The following NPAS3 variants were observed in gnomAD, a reference collection of about 807,000 sequenced individuals.
NPAS3 encodes neuronal PAS domain protein 3.
In NPAS3, 14 loss-of-function variants were observed where a neutral mutation model predicts 73.1. That is an observed-to-expected ratio of 0.19 (90% CI 0.13 to 0.30). The LOEUF (loss-of-function observed/expected upper bound fraction) is 0.30, where lower values mean the gene tolerates loss of function less well. Among genes scored for constraint, NPAS3 ranks in the 10% least tolerant of loss-of-function variants. The probability of loss-of-function intolerance (pLI) is 1.00; values close to 1 mark genes in which losing one functional copy is unlikely to be tolerated. For synonymous variants in NPAS3, 620 were observed against 541.5 expected (o/e 1.14, Z -2.01); for missense variants, 1,096 against 1,250.0 (o/e 0.88, Z 1.86).
At chr14:33,556,158 C>T (rs1390322631) in intron 4 of NPAS3, among the ~76,000 whole-genome samples, 3 of 152,104 alleles carry the variant, frequency 2.0e-5, no homozygotes, top group Admixed American at 1.3e-4. Flanking sequence ...TATTCTTTTA[C>T]CCTGCTATGG....
upstream of NPAS3, among the ~76,000 whole-genome samples, chr14:32,938,094 T>A (rs2035757552): frequency 6.6e-6 from 1 of 151,998 alleles, no homozygotes; most frequent in Non-Finnish European, 1.5e-5. Context: ...CGCGCGGGGA[T>A]TCACCTGTGA....
At chr14:32,938,527 G>C (rs547970701), upstream of NPAS3, among the ~76,000 whole-genome samples, 30 of 71,266 alleles carry the variant, frequency 4.2e-4, no homozygotes, top group South Asian at 3.1e-3. Context: ...GAGAGAGAAG[G>C]GGGGGGAGGT....
At chr14:33,780,580 T>C (rs2062948549) in intron 9 of NPAS3, 2 of 440,216 alleles carry the variant, frequency 4.5e-6, no homozygotes, top group Non-Finnish European at 9.0e-6. Flanking sequence ...CCTCAGTTAT[T>C]ATTTGGAAAA....
chr14:33,783,517 G>A (rs968450828), intron 9 of NPAS3, among the ~76,000 whole-genome samples: 2 of 148,452 alleles, frequency 1.3e-5, no homozygotes, highest in Admixed American at 6.9e-5. Flanking sequence ...CGAAAAAACC[G>A]TCACAAGGAG....
chr14:33,466,197 G>C (rs1416021218), intron 4 of NPAS3, among the ~76,000 whole-genome samples: 2 of 152,150 alleles, frequency 1.3e-5, no homozygotes, highest in African/African-American at 2.4e-5. Flanking sequence ...GGCCCAACCT[G>C]AGGGTGTGAA....
chr14:33,101,414 A>T (rs1327783024), intron 2 of NPAS3, among the ~76,000 whole-genome samples: 1 of 152,224 alleles, frequency 6.6e-6, no homozygotes, highest in Non-Finnish European at 1.5e-5. Context: ...ACATATGAAC[A>T]ACAATAACTT....
intron 7 of NPAS3, among the ~76,000 whole-genome samples, chr14:33,752,915 T>A (rs1016301071): frequency 6.6e-6 from 1 of 152,148 alleles, no homozygotes; most frequent in African/African-American, 2.4e-5. Context: ...ATATGGGCAC[T>A]TAGCAAGAAA....
intron 8 of NPAS3, among the ~76,000 whole-genome samples, chr14:33,777,027 GA>G (rs1235815811): frequency 1.2e-4 from 19 of 152,162 alleles, no homozygotes; most frequent in Admixed American, 9.8e-4. Context: ...TTTAATTAGG[GA>G]ATTGTTAACT....
chr14:33,390,004 A>ATGGAAC (rs2046932821), intron 4 of NPAS3, among the ~76,000 whole-genome samples: 1 of 151,488 alleles, frequency 6.6e-6, no homozygotes, highest in Non-Finnish European at 1.5e-5. Context: ...CCATGGAAAG[A>ATGGAAC]ATTTTATTCT....
chr14:33,049,447 A>T (rs1375379299), intron 1 of NPAS3, among the ~76,000 whole-genome samples: 1 of 152,208 alleles, frequency 6.6e-6, no homozygotes, highest in African/African-American at 2.4e-5. Context: ...GGGAAGCCTC[A>T]CAATCATGGG....
At chr14:33,153,113 C>A (rs189430141) in intron 2 of NPAS3, among the ~76,000 whole-genome samples, 29 of 152,086 alleles carry the variant, frequency 1.9e-4, no homozygotes, top group Admixed American at 1.2e-3. Flanking sequence ...TTCCTGTCTG[C>A]AGATGCAGTT....
chr14:32,937,301 C>T (rs1452798978), upstream of NPAS3, among the ~76,000 whole-genome samples: 1 of 151,862 alleles, frequency 6.6e-6, no homozygotes, highest in Non-Finnish European at 1.5e-5. Flanking sequence ...ATCATTTTAC[C>T]AAAAAATTAT....
rs71406561 is a variant in NPAS3, at chr14:33,544,788, T to TTATATATATATATATATATATATA, written c.469-15310_469-15309insATATATATATATATATATATATAT. Reference sequence around the variant, plus strand: ...GCATGTATGTGTTTATGTGTGTGTATTATATATATATATATATATATATGT... The same window carrying TTATATATATATATATATATATATA: ...GCATGTATGTGTTTATGTGTGTGTATTATATATATATATATATATATATATATATATATATATATATATATATGT... On this transcript the variant is annotated intron_variant, in intron 4 of 11. Coordinates refer to ENST00000356141, the Ensembl canonical transcript of NPAS3. Among the ~76,000 whole-genome samples, 219 of 63,174 alleles carry TTATATATATATATATATATATATA rather than the reference T, an allele frequency of 3.5e-3. 6 individuals carry two copies. Among genetic ancestry groups the TTATATATATATATATATATATATA allele is most frequent in the African/African-American group, 0.018 (204 of 11,496 alleles). 41.4% of individuals were successfully genotyped at this position (63,174 alleles called of 152,430 possible).
chr14:32,990,248 G>C (rs778615906), intron 1 of NPAS3, among the ~76,000 whole-genome samples: 2 of 152,158 alleles, frequency 1.3e-5, no homozygotes, highest in Non-Finnish European at 2.9e-5. Context: ...TGATAAGCAA[G>C]TGCTTATTGA....
intron 5 of NPAS3, among the ~76,000 whole-genome samples, chr14:33,583,587 T>A (rs1458321866): frequency 6.6e-6 from 1 of 152,230 alleles, no homozygotes; most frequent in Non-Finnish European, 1.5e-5. Context: ...TTAGGTACAA[T>A]GTAAATCTGT....
intron 5 of NPAS3, among the ~76,000 whole-genome samples, chr14:33,641,007 AG>A (rs2140181409): frequency 6.6e-6 from 1 of 152,254 alleles, no homozygotes; most frequent in Admixed American, 6.5e-5. Flanking sequence ...TCTGTGTGAT[AG>A]GATAACGGGT....
intron 7 of NPAS3, among the ~76,000 whole-genome samples, chr14:33,739,808 T>C (rs955601100): frequency 6.6e-6 from 1 of 152,170 alleles, no homozygotes; most frequent in Non-Finnish European, 1.5e-5. Context: ...CAGAACATAT[T>C]CCGTCAGTAT....
rs1354829377 is a variant in NPAS3 at position 33,318,481 on chromosome 14, A to G, written c.386-48705A>G. Among the ~76,000 whole-genome samples the G allele has an allele frequency of 2.0e-5, 3 of 152,236 alleles. No individual in the cohort carries two copies. In the South Asian group the frequency reaches 6.2e-4, roughly 32 times the overall value. On this transcript the variant is annotated intron_variant, in intron 3 of 11. Transcript: ENST00000356141. ...TACACTTAAAAACAGTTAAGATGGT[A>G]AATTTCATTTATACCTATTTTACCA...
intron 1 of NPAS3, among the ~76,000 whole-genome samples, chr14:33,003,085 C>T (rs1308072527): frequency 8.7e-5 from 13 of 149,156 alleles, no homozygotes; most frequent in Non-Finnish European, 1.8e-4. Context: ...TTTTTTTTCG[C>T]AGAATTGAGG....
Sources: gnomAD v4.1 joint callset for allele counts (sites outside exome capture counted in the v4.1 genomes callset) on GRCh38, gnomAD v4.1.1 for gene constraint, MANE v1.5 for transcripts, NCBI Gene and HGNC (gene_info 2026-07-23, HGNC 2026-07-21) for gene names.